HSP90AA1: variants seen among roughly 807,000 people sequenced by gnomAD.
HSP90AA1 encodes the protein heat shock protein 90 alpha family class A member 1.
Under a neutral mutation model 73.3 loss-of-function variants are expected in HSP90AA1, and 18 were observed. The ratio of observed to expected loss-of-function variants is 0.25; its 90% confidence interval spans 0.17 to 0.36. HSP90AA1 has a LOEUF of 0.36. Ranked by LOEUF, HSP90AA1 falls within the 10% of genes least tolerant of loss-of-function variation. HSP90AA1 has a pLI of 1.00. For synonymous variants in HSP90AA1, 477 were observed against 296.9 expected (o/e 1.61, Z -6.24); for missense variants, 704 against 874.2 (o/e 0.81, Z 2.45).
At chr14:102,083,416 C>CT in intron 8 of HSP90AA1, 114 bp from the exon 9 acceptor site, 1 of 1,428,884 alleles carries the variant, frequency 7.0e-7, no homozygotes, top group East Asian at 2.3e-5. Context: ...AGAAAATGAC[C>CT]TAGTTCATGT....
intron 9 of HSP90AA1, chr14:102,082,814 G>T: frequency 1.8e-6 from 1 of 565,242 alleles, no homozygotes; most frequent in Non-Finnish European, 3.2e-6. Flanking sequence ...TAGAGACTGA[G>T]TTTCACCGTG....
Position 102,085,798 on chromosome 14 carries a change from C to T in HSP90AA1, c.489G>A (p.Glu163=), listed in dbSNP as rs2049217181. ...KHNDDEQYAW[E]SSAGGSFTVR... ...CTGTGAATGATCCCCCTGCTGAGGA[C>T]TCCCAAGCGTACTGCTCATCATCGT... Residue 163 remains glutamate, a synonymous_variant, in exon 3 of 11, where the codon GAG becomes GAA. Transcript: ENST00000216281. 1 of 1,613,820 alleles carries T rather than the reference C, an allele frequency of 6.2e-7. No homozygotes were observed. Among genetic ancestry groups the T allele is most frequent in the Admixed American group, 1.7e-5 (1 of 59,986 alleles).
rs1266841300 is a variant in HSP90AA1, at chr14:102,082,234, C to T, written c.1966G>A (p.Asp656Asn). The T allele has an allele frequency of 1.2e-6, 2 of 1,613,876 alleles. No individual in the cohort carries two copies. Among genetic ancestry groups the T allele is most frequent in the South Asian group, 1.1e-5 (1 of 91,060 alleles). ...LRQKAEADKN[D>N]KSVKDLVILL... ...ATGACCAGATCCTTCACAGACTTGT[C>T]GTTCTTATCAGCCTCTGCCTTTTGC... The change falls in exon 10 of 11, where the codon GAC (aspartate) becomes AAC (asparagine). Residue 656 changes from aspartate (D) to asparagine (N), a missense_variant. Transcript: ENST00000216281.
upstream of HSP90AA1, among the ~76,000 whole-genome samples, chr14:102,089,772 C>T (rs989776774): frequency 2.6e-5 from 4 of 152,158 alleles, no homozygotes; most frequent in Non-Finnish European, 4.4e-5. Context: ...CCCCAAGCAT[C>T]CCCACAACGG....
chr14:102,099,463 C>G (rs993212839), intron 2 of HSP90AA1, among the ~76,000 whole-genome samples: 3 of 152,142 alleles, frequency 2.0e-5, no homozygotes, highest in African/African-American at 7.2e-5. Context: ...GAGGCTGAGG[C>G]AGGAGAATCA....
At chr14:102,111,510 T>C (rs1314633400) in intron 1 of HSP90AA1, among the ~76,000 whole-genome samples, 1 of 152,126 alleles carries the variant, frequency 6.6e-6, no homozygotes, top group African/African-American at 2.4e-5. Flanking sequence ...ACAATGGGGG[T>C]ACAGGCATTG....
chr14:102,106,124 C>G (rs760486707), intron 1 of HSP90AA1, among the ~76,000 whole-genome samples: 1 of 151,926 alleles, frequency 6.6e-6, no homozygotes, highest in Non-Finnish European at 1.5e-5. Context: ...GAGAGAGTTC[C>G]GTGAAAGTAG....
Position 102,139,201 on chromosome 14 carries a change from C to T in HSP90AA1, c.155+49G>A, listed in dbSNP as rs752475256. 4.4e-6 allele frequency: 7 copies of T among 1,608,976 alleles called. No individual in the cohort carries two copies. The South Asian group carries it at 5.5e-5, about 13-fold the overall frequency. On this transcript the variant is annotated intron_variant, in intron 1 of 11. Transcript: ENST00000334701. ...TACCACATTCTTCTCTCCCCCTACC[C>T]CGCCTGAAATAAAACATAGTGAAGC...
At position 102,081,263 on chromosome 14, in the gene HSP90AA1, A is replaced by G. The variant is rs1005030045; in HGVS notation, c.*449T>C. On this transcript the variant is annotated 3_prime_UTR_variant, in exon 11 of 11. Coordinates refer to ENST00000216281, the MANE Select transcript of HSP90AA1 (RefSeq NM_005348.4). ...AGTTGCTTCAGTTTAACCTATTTCT[A>G]GAGGACTAGTACATGCAGAATTGTC... is the stretch of plus-strand genomic sequence containing the variant. 1.2e-5 allele frequency: 3 copies of G among 252,408 alleles called. No individual in the cohort carries two copies. The highest frequency in any genetic ancestry group is 1.2e-4 in the East Asian group (2 of 16,976). 15.6% of individuals were successfully genotyped at this position (252,408 alleles called of 1,614,324 possible). A position where few individuals can be genotyped will look rare whatever the true frequency, so the allele number is the denominator to read the frequency against.
intron 1 of HSP90AA1, among the ~76,000 whole-genome samples, chr14:102,108,501 T>G (rs1269345237): frequency 2.6e-5 from 4 of 151,640 alleles, no homozygotes; most frequent in African/African-American, 9.7e-5. Flanking sequence ...TTAACTTCTC[T>G]TTTCTAATTT....
chr14:102,082,348 C>A lies in HSP90AA1; in HGVS notation c.1852G>T (p.Ala618Ser). 6.2e-7 allele frequency: 1 copy of A among 1,613,940 alleles called. No homozygotes were observed. The highest frequency in any genetic ancestry group is 8.5e-7 in the Non-Finnish European group (1 of 1,179,884). Residue 618 changes from alanine to serine, a missense_variant, in exon 10 of 11, where the codon GCC (alanine) becomes TCC (serine). Transcript: ENST00000216281. ...CCCATTGTTGAGTTGTCTCTTAGGG[C>A]TTGAGCTTTCATGATTCTCTCCATG... The part of the protein sequence containing the change: ...ANMERIMKAQ[A>S]LRDNSTMGYM...
At chr14:102,118,555 A>G (rs1298170626) in intron 1 of HSP90AA1, among the ~76,000 whole-genome samples, 1 of 151,724 alleles carries the variant, frequency 6.6e-6, no homozygotes, top group Non-Finnish European at 1.5e-5. Context: ...TTTGTTTTTT[A>G]TATTTTAATC....
intron 1 of HSP90AA1, among the ~76,000 whole-genome samples, chr14:102,115,050 G>A (rs7148313): frequency 0.012 from 1,887 of 152,092 alleles, 47 homozygotes; most frequent in African/African-American, 0.043. Context: ...GGGAAGCTGA[G>A]GCAGGAGAAT....
intron 1 of HSP90AA1, among the ~76,000 whole-genome samples, chr14:102,139,093 A>T (rs553681891): frequency 2.0e-4 from 31 of 152,316 alleles, no homozygotes; most frequent in South Asian, 4.1e-4. Flanking sequence ...GCTGGAGAGG[A>T]CAAACCTCCG....
upstream of HSP90AA1, chr14:102,087,335 G>C (rs990227707): frequency 3.8e-5 from 10 of 264,034 alleles, no homozygotes; most frequent in Admixed American, 6.5e-4. Flanking sequence ...TTCTCGGGAA[G>C]GTCCGGGCGC....
At chr14:102,089,700 CCT>C (rs576742742), upstream of HSP90AA1, among the ~76,000 whole-genome samples, 374 of 152,226 alleles carry the variant, frequency 2.5e-3, 1 homozygote, top group African/African-American at 7.7e-3. Context: ...GAGCTTCCCC[CCT>C]GTCTCCAGCC....
intron 1 of HSP90AA1, among the ~76,000 whole-genome samples, chr14:102,133,336 T>G (rs1289672254): frequency 1.3e-5 from 2 of 152,104 alleles, no homozygotes; most frequent in Non-Finnish European, 2.9e-5. Flanking sequence ...ACTCTAATGA[T>G]ATAATGAATA....
intron 1 of HSP90AA1, among the ~76,000 whole-genome samples, chr14:102,118,162 G>C (rs2049730577): frequency 6.6e-6 from 1 of 152,186 alleles, no homozygotes; most frequent in Non-Finnish European, 1.5e-5. Flanking sequence ...AGCCTGCCAG[G>C]CTGAATGGGC....
intron 1 of HSP90AA1, among the ~76,000 whole-genome samples, chr14:102,114,665 G>C (rs2049683887): frequency 6.6e-6 from 1 of 152,144 alleles, no homozygotes. Flanking sequence ...ATTTTCAAGA[G>C]ACTACTCTTG....
Sources: allele counts gnomAD v4.1 joint callset (sites outside exome capture counted in the v4.1 genomes callset), GRCh38; gene constraint gnomAD v4.1.1; transcripts MANE v1.5; gene names NCBI Gene and HGNC (gene_info 2026-07-23, HGNC 2026-07-21).